NUBPL: variants seen among roughly 807,000 people sequenced by gnomAD.
NUBPL encodes the protein NUBP iron-sulfur cluster assembly factor, mitochondrial, also known as iron-sulfur cluster transfer protein NUBPL.
NUBPL carries 31 observed loss-of-function variants against 45.7 expected under a neutral mutation model. The ratio of observed to expected loss-of-function variants is 0.68; its 90% CI spans 0.51 to 0.92. NUBPL has a LOEUF of 0.92. Among genes scored for constraint, NUBPL ranks in the 40% least tolerant of loss-of-function variants. NUBPL has a pLI of 0.00. For synonymous variants in NUBPL, 144 were observed against 140.9 expected, an observed-to-expected ratio of 1.02 and a Z score of -0.15; for missense variants, 401 against 398.7, an observed-to-expected ratio of 1.01 and a Z score of -0.05.
At chr14:31,582,843 T>C (rs1365098054) in intron 3 of NUBPL, among the ~76,000 whole-genome samples, 1 of 152,170 alleles carries the variant, frequency 6.6e-6, no homozygotes, top group African/African-American at 2.4e-5. Flanking sequence ...TTACTAAAGA[T>C]GTTACAATTA....
At chr14:31,805,184 G>C (rs28806946) in intron 7 of NUBPL, among the ~76,000 whole-genome samples, 19,019 of 152,208 alleles carry the variant, frequency 0.12, 3,238 homozygotes, top group African/African-American at 0.39. Context: ...CTGATCACTA[G>C]AGAAATGCAA....
chr14:31,771,536 C>G (rs1185595689), intron 6 of NUBPL, among the ~76,000 whole-genome samples: 1 of 152,168 alleles, frequency 6.6e-6, no homozygotes, highest in Non-Finnish European at 1.5e-5. Flanking sequence ...TGATGCTGTG[C>G]TGCATTCTGT....
At chr14:31,618,157 TTC>T (rs1413052428) in intron 4 of NUBPL, among the ~76,000 whole-genome samples, 1 of 152,210 alleles carries the variant, frequency 6.6e-6, no homozygotes, top group African/African-American at 2.4e-5. Context: ...TATTTGATTC[TTC>T]TCTCTTTTCT....
intron 8 of NUBPL, among the ~76,000 whole-genome samples, chr14:31,831,086 CA>C (rs1201296147): frequency 2.6e-5 from 4 of 152,048 alleles, no homozygotes; most frequent in Admixed American, 1.3e-4. Context: ...CTCTGTCACC[CA>C]GGTTGGAGTG....
intron 2 of NUBPL, chr14:31,562,804 T>C: frequency 6.5e-6 from 1 of 153,444 alleles, no homozygotes; most frequent in Non-Finnish European, 1.5e-5. Flanking sequence ...GAGACGGGGT[T>C]TCACCGTGTT....
chr14:31,752,175 T>C (rs999662707), intron 6 of NUBPL, among the ~76,000 whole-genome samples: 13 of 152,244 alleles, frequency 8.5e-5, no homozygotes, highest in African/African-American at 3.1e-4. Flanking sequence ...TCATTACTTA[T>C]GCAAATTTCT....
intron 4 of NUBPL, among the ~76,000 whole-genome samples, chr14:31,615,552 G>A (rs1343152892): frequency 6.6e-6 from 1 of 152,020 alleles, no homozygotes; most frequent in Non-Finnish European, 1.5e-5. Context: ...GTGGTGTTTG[G>A]TTTTCTATTC....
chr14:31,768,321 T>C (rs1440768742), intron 6 of NUBPL, among the ~76,000 whole-genome samples: 4 of 152,248 alleles, frequency 2.6e-5, no homozygotes, highest in Non-Finnish European at 5.9e-5. Flanking sequence ...TAGCTCTCTT[T>C]TAGCCTTTTG....
At chr14:31,674,349 C>T (rs953705194) in intron 6 of NUBPL, among the ~76,000 whole-genome samples, 5 of 152,154 alleles carry the variant, frequency 3.3e-5, no homozygotes, top group African/African-American at 1.2e-4. Flanking sequence ...TTCAGGTATA[C>T]AATTAAGTAG....
intron 6 of NUBPL, among the ~76,000 whole-genome samples, chr14:31,777,328 G>T (rs1352460057): frequency 6.6e-6 from 1 of 152,202 alleles, no homozygotes; most frequent in Admixed American, 6.5e-5. Context: ...CCCTTGTAGA[G>T]ATCCTTGAGG....
chr14:31,677,924 A>G (rs2036739749), intron 6 of NUBPL, among the ~76,000 whole-genome samples: 1 of 152,202 alleles, frequency 6.6e-6, no homozygotes, highest in African/African-American at 2.4e-5. Context: ...GGGTCCAGAG[A>G]TGCCATCTGG....
chr14:31,841,931 T>TGTTTTTG (rs2040380205), intron 8 of NUBPL, among the ~76,000 whole-genome samples: 2 of 123,040 alleles, frequency 1.6e-5, no homozygotes, highest in African/African-American at 3.2e-5. Flanking sequence ...TTTTTTTTTT[T>TGTTTTTG]TTTTTTTTTT....
intron 4 of NUBPL, among the ~76,000 whole-genome samples, chr14:31,631,748 C>G (rs1348570944): frequency 6.6e-6 from 1 of 152,082 alleles, no homozygotes; most frequent in African/African-American, 2.4e-5. Context: ...AGAGTGAATT[C>G]TCCCTTATTC....
chr14:31,804,558 C>T (rs949231193), intron 7 of NUBPL, among the ~76,000 whole-genome samples: 4 of 151,984 alleles, frequency 2.6e-5, no homozygotes, highest in Admixed American at 6.6e-5. Flanking sequence ...TCAGTTTTGT[C>T]GTTTAAGAAT....
chr14:31,654,978 T>G (rs1488851103), intron 4 of NUBPL, among the ~76,000 whole-genome samples: 1 of 152,202 alleles, frequency 6.6e-6, no homozygotes, highest in Admixed American at 6.5e-5. Flanking sequence ...CTTTCTTTGC[T>G]TATCATAAAA....
chr14:31,581,034 A>G (rs2033848375), intron 3 of NUBPL, among the ~76,000 whole-genome samples: 2 of 152,180 alleles, frequency 1.3e-5, no homozygotes, highest in Admixed American at 6.5e-5. Context: ...TAAAAATAGA[A>G]CAAGACGACT....
At chr14:31,631,635 C>T (rs536943206) in intron 4 of NUBPL, among the ~76,000 whole-genome samples, 37 of 152,220 alleles carry the variant, frequency 2.4e-4, no homozygotes, top group African/African-American at 8.7e-4. Flanking sequence ...GTCTAAGAAC[C>T]AGTATAGCCA....
intron 6 of NUBPL, among the ~76,000 whole-genome samples, chr14:31,722,030 T>C (rs1047305425): frequency 7.9e-5 from 12 of 152,162 alleles, no homozygotes; most frequent in Admixed American, 7.9e-4. Flanking sequence ...AGAGTCTCGT[T>C]CTGTCGCCCA....
At chr14:31,673,032 G>T (rs2036609204) in intron 4 of NUBPL, among the ~76,000 whole-genome samples, 1 of 152,158 alleles carries the variant, frequency 6.6e-6, no homozygotes, top group African/African-American at 2.4e-5. Flanking sequence ...CTAGTGATCT[G>T]TTGCGCAGCA....
Sources: gnomAD v4.1 joint callset for allele counts (sites outside exome capture counted in the v4.1 genomes callset) on GRCh38, gnomAD v4.1.1 for gene constraint, MANE v1.5 for transcripts, NCBI Gene and HGNC (gene_info 2026-07-23, HGNC 2026-07-21) for gene names.